The following CFAP65 variants were observed in gnomAD, a reference collection of about 807,000 sequenced individuals.
CFAP65 encodes the protein cilia and flagella associated protein 65.
A neutral mutation model predicts 208.0 loss-of-function variants in CFAP65; 155 were observed. The observed-to-expected ratio is 0.75, with a 90% CI of 0.65 to 0.85. CFAP65 has a LOEUF of 0.85. Among genes scored for constraint, CFAP65 ranks in the 40% least tolerant of loss-of-function variants. The probability of loss-of-function intolerance (pLI) is 0.00; values close to 1 mark genes in which losing one functional copy is unlikely to be tolerated. For missense variants in CFAP65, 2,294 were observed against 2,451.3 expected (o/e 0.94, Z 1.36); for synonymous variants, 970 against 986.3 (o/e 0.98, Z 0.31).
In CFAP65 at chr2:219,021,160, G is replaced by A. The variant is rs750909827; in HGVS notation, c.3251C>T (p.Ser1084Phe). 4 of 1,565,658 alleles carry A rather than the reference G, an allele frequency of 2.6e-6. No homozygotes were observed. In the African/African-American group the frequency reaches 5.5e-5, roughly 21 times the overall value. The change falls in exon 19 of 35, where the codon TCC becomes TTC. Residue 1084 changes from serine to phenylalanine, a missense_variant. By Grantham distance (155) the Ser-to-Phe change is radical. Coordinates refer to ENST00000341552, the MANE Select transcript of CFAP65 (RefSeq NM_194302.4). ...CCAGGCAGTCTAGGTACCTCTGTGG[G>A]AAAGGAGAGAGTAGGTGATGGTCCA... is the stretch of plus-strand genomic sequence containing the variant. ...YSWTITYSLL[S>F]HRDNKAGEKQ...
Position 219,021,852 on chromosome 2 carries a change from C to A in CFAP65, c.3058G>T (p.Gly1020Cys). The A allele has an allele frequency of 6.2e-7, 1 of 1,613,804 alleles. No individual in the cohort carries two copies. Among genetic ancestry groups the A allele is most frequent in the Admixed American group, 1.7e-5 (1 of 60,024 alleles). Reference sequence around the variant, plus strand: ...AGGCGGTAATAGAGGGTGCAGTTGCCGTCATTCAGGAGGACAAGGAACCTG... The same window carrying A: ...AGGCGGTAATAGAGGGTGCAGTTGCAGTCATTCAGGAGGACAAGGAACCTG... ...QSRFLVLLND[G>C]NCTLYYRLYL... Residue 1020 changes from glycine (G) to cysteine (C), a missense_variant, in exon 18 of 35, where the codon GGC becomes TGC. Physicochemically the swap from Gly to Cys is radical, Grantham distance 159. Around this residue, in one of 2 missense-constraint regions of CFAP65, gnomAD observed 1,427 missense variants for 1,438.7 expected, o/e 0.99. Coordinates refer to ENST00000341552, the MANE Select transcript of CFAP65 (RefSeq NM_194302.4).
At chr2:219,025,711 G>A (rs955875262) in intron 14 of CFAP65, among the ~76,000 whole-genome samples, 3 of 152,268 alleles carry the variant, frequency 2.0e-5, no homozygotes, top group African/African-American at 7.2e-5. Context: ...TCAGTAAACA[G>A]GACACAAACA....
rs1305106845 is a variant in CFAP65 at position 219,003,115 on chromosome 2, G to T, written c.5693+20C>A. The T allele has an allele frequency of 1.3e-6, 2 of 1,542,098 alleles. No individual in the cohort carries two copies. Among genetic ancestry groups the T allele is most frequent in the Non-Finnish European group, 1.8e-6 (2 of 1,141,098 alleles). ...CCCCTCTCGCGCGGTCTGCGCGGCC[G>T]CTGGTCCCGGCGCCCTTACCTGGGC... is the stretch of plus-strand genomic sequence containing the variant. On this transcript the variant is annotated intron_variant, in intron 34 of 34. Coordinates refer to ENST00000341552, the MANE Select transcript of CFAP65 (RefSeq NM_194302.4). This position sits in a 1 kb window ranked among gnomAD's most constrained non-coding sequence, Gnocchi z 4.4.
In CFAP65 at chr2:219,027,274, C is replaced by A. The variant is rs1947691827; in HGVS notation, c.2211+376G>T. On this transcript the variant is annotated intron_variant, in intron 13 of 34. Coordinates refer to ENST00000341552, the MANE Select transcript of CFAP65 (RefSeq NM_194302.4). ...CTGACTTTGTCTCTAGGCCCAGCTTCCTGCCCGCTCAAAGCTCCTTTAGAG... is the reference window on the plus strand; with the variant it reads ...CTGACTTTGTCTCTAGGCCCAGCTTACTGCCCGCTCAAAGCTCCTTTAGAG... 1.6e-5 allele frequency: 22 copies of A among 1,377,028 alleles called. No homozygotes were observed. The South Asian group carries it at 4.1e-4, about 26-fold the overall frequency. 85.3% of individuals were successfully genotyped at this position (1,377,028 alleles called of 1,614,324 possible).
Position 219,019,313 on chromosome 2 carries a change from G to T in CFAP65, c.3474-134C>A, listed in dbSNP as rs574701302. On this transcript the variant is annotated intron_variant, in intron 20 of 34. Coordinates refer to ENST00000341552, the MANE Select transcript of CFAP65 (RefSeq NM_194302.4). ...ATCTGGGACTCAGGCGCAAGGGTGGGCTGGCTCTTCAGACCTCAAGCCAAT... is the reference window on the plus strand; with the variant it reads ...ATCTGGGACTCAGGCGCAAGGGTGGTCTGGCTCTTCAGACCTCAAGCCAAT... 4 of 1,253,148 alleles carry T rather than the reference G, an allele frequency of 3.2e-6. No homozygotes were observed. The East Asian group carries it at 7.4e-5, about 23-fold the overall frequency. 77.6% of individuals were successfully genotyped at this position (1,253,148 alleles called of 1,614,324 possible).
chr2:219,013,749 T>G, intron 22 of CFAP65, 119 bp downstream of exon 22: 1 of 1,156,784 alleles, frequency 8.6e-7, no homozygotes, highest in Non-Finnish European at 1.3e-6. Flanking sequence ...CCTCTGCAGG[T>G]GAGAAGGTGG....
intron 9 of CFAP65, 79 bp downstream of exon 9, chr2:219,030,610 G>A: frequency 1.3e-6 from 2 of 1,538,606 alleles, no homozygotes; most frequent in Non-Finnish European, 1.8e-6. Context: ...GAAAGGGGGG[G>A]CATTCTGCAA....
In CFAP65 at chr2:219,019,619, C is replaced by G; in HGVS notation, c.3360G>C (p.Glu1120Asp). ...ILDVSSMGSA[E>D]GITRKHLWRL... Reference sequence around the variant, plus strand: ...GCCACAGGTGCTTCCGGGTGATACCCTCAGCACTGCCCATGGAGCTGACAT... The same window carrying G: ...GCCACAGGTGCTTCCGGGTGATACCGTCAGCACTGCCCATGGAGCTGACAT... Residue 1120 changes from glutamate (E) to aspartate (D), a missense_variant, in exon 20 of 35, where the codon GAG becomes GAC. Glu to Asp is a conservative substitution (Grantham distance 45). Around this residue, in one of 2 missense-constraint regions of CFAP65, gnomAD observed 1,427 missense variants for 1,438.7 expected, o/e 0.99. Transcript: ENST00000341552. 1.2e-6 allele frequency: 2 copies of G among 1,613,834 alleles called. No homozygotes were observed. Among genetic ancestry groups the G allele is most frequent in the Non-Finnish European group, 1.7e-6 (2 of 1,180,024 alleles).
chr2:219,027,607 T>A, intron 13 of CFAP65, 43 bp downstream of exon 13: 3 of 1,613,262 alleles, frequency 1.9e-6, no homozygotes, highest in Non-Finnish European at 1.7e-6. Context: ...CTCAGGCTCC[T>A]AGCAGAGACC....
intron 27 of CFAP65, 63 bp from the exon 28 acceptor site, chr2:219,009,523 GA>G: frequency 9.1e-7 from 1 of 1,100,436 alleles, no homozygotes; most frequent in Middle Eastern, 2.0e-4. Context: ...GGATGGCACG[GA>G]ATAGGATGGG....
chr2:219,010,781 C>T (rs371195188), intron 25 of CFAP65, 24 bp downstream of exon 25: 4 of 1,592,176 alleles, frequency 2.5e-6, no homozygotes, highest in Non-Finnish European at 3.4e-6. Context: ...CCCCACCTCC[C>T]ACGTCATCCA....
rs564314345 is a variant in CFAP65, at chr2:219,029,681, G to A, written c.1385-13C>T. 5 of 1,610,042 alleles carry A rather than the reference G, an allele frequency of 3.1e-6. No homozygotes were observed. In the African/African-American group the frequency reaches 6.7e-5, roughly 21 times the overall value. ...GACACAGCAGGGCCTGGACACAGGA[G>A]ATGGGGTATCAGCTTCCCCAAGGAT... On this transcript the variant is annotated splice_polypyrimidine_tract_variant and intron_variant, in intron 10 of 34. Coordinates refer to ENST00000341552, the MANE Select transcript of CFAP65 (RefSeq NM_194302.4).
chr2:219,022,551 TGAG>T (rs1947338615), intron 16 of CFAP65, among the ~76,000 whole-genome samples: 2 of 152,190 alleles, frequency 1.3e-5, no homozygotes, highest in Non-Finnish European at 2.9e-5. Context: ...CATTTTCTGA[TGAG>T]AAACTGAAAG....
chr2:219,039,413 C>A (rs1948550708), intron 2 of CFAP65, among the ~76,000 whole-genome samples: 1 of 152,160 alleles, frequency 6.6e-6, no homozygotes, highest in Non-Finnish European at 1.5e-5. Context: ...ACTCACACAC[C>A]AAGACTAAGC....
chr2:219,036,176 C>A (rs963744844), intron 4 of CFAP65, among the ~76,000 whole-genome samples: 4 of 152,186 alleles, frequency 2.6e-5, no homozygotes, highest in African/African-American at 9.7e-5. Flanking sequence ...AGAGGAGGAG[C>A]CAATTTGCTT....
At chr2:219,038,319 A>T in intron 4 of CFAP65, 56 bp downstream of exon 4, 1 of 1,553,182 alleles carries the variant, frequency 6.4e-7, no homozygotes, top group East Asian at 2.3e-5. Flanking sequence ...CCTGCCACCC[A>T]TGCCCCGCCC....
Position 219,010,684 on chromosome 2 carries a change from G to A in CFAP65, c.4170C>T (p.Ile1390=). 1 of 1,609,826 alleles carries A rather than the reference G, an allele frequency of 6.2e-7. No homozygotes were observed. Among genetic ancestry groups the A allele is most frequent in the Non-Finnish European group, 8.5e-7 (1 of 1,178,522 alleles). ...GGATGAGGGCCGAGTTCCATCCCAG[G>A]ATGTGTATGGGCACGTCCACCTGGG... The part of the protein sequence containing the change: ...KTYTVDVPIH[I]LGWNSALIHF... Residue 1390 remains isoleucine (I), a synonymous_variant, in exon 26 of 35, where the codon ATC becomes ATT. Coordinates refer to ENST00000341552, the MANE Select transcript of CFAP65 (RefSeq NM_194302.4).
intron 1 of CFAP65, among the ~76,000 whole-genome samples, chr2:219,041,200 T>C (rs1008726486): frequency 2.6e-5 from 4 of 152,212 alleles, no homozygotes; most frequent in African/African-American, 9.6e-5. Context: ...ATCTCCAAGA[T>C]GACCACTAGA....
intron 14 of CFAP65, among the ~76,000 whole-genome samples, chr2:219,025,119 C>T (rs1947545757): frequency 6.6e-6 from 1 of 152,118 alleles, no homozygotes; most frequent in Admixed American, 6.5e-5. Flanking sequence ...CCAGAGGTCC[C>T]CATCAAGCTG....
Sources: gnomAD v4.1 joint callset for allele counts (sites outside exome capture counted in the v4.1 genomes callset) on GRCh38, gnomAD v4.1.1 for gene constraint, gnomAD v4.1.1 regional missense constraint, Gnocchi (gnomAD v3.1) non-coding constraint, MANE v1.5 for transcripts, NCBI Gene and HGNC (gene_info 2026-07-23, HGNC 2026-07-21) for gene names.